ECPAS: variants seen among roughly 807,000 people sequenced by gnomAD.
The protein encoded by ECPAS is Ecm29 proteasome adaptor and scaffold, also known as proteasome adapter and scaffold protein ECM29.
ECPAS carries 70 observed loss-of-function variants against 255.1 expected under a neutral mutation model. That is an observed-to-expected ratio of 0.27 (90% CI 0.23 to 0.33). The LOEUF is 0.33. Ranked by LOEUF, ECPAS falls within the 10% of genes least tolerant of loss-of-function variation. ECPAS has a pLI of 1.00. For synonymous variants in ECPAS, 784 were observed against 775.0 expected, an observed-to-expected ratio of 1.01 and a Z score of -0.19; for missense variants, 1,817 against 2,206.4, an observed-to-expected ratio of 0.82 and a Z score of 3.54.
intron 35 of ECPAS, among the ~76,000 whole-genome samples, chr9:111,380,308 T>A (rs534303943): frequency 2.6e-5 from 4 of 151,810 alleles, no homozygotes; most frequent in African/African-American, 9.7e-5. Flanking sequence ...ATCTTTGGGG[T>A]TTTTTTTGGT....
At chr9:111,400,578 A>T (rs1448612393) in intron 24 of ECPAS, among the ~76,000 whole-genome samples, 5 of 152,206 alleles carry the variant, frequency 3.3e-5, no homozygotes, top group African/African-American at 1.2e-4. Context: ...AAATTTAGTA[A>T]AGAGATTAAA....
At chr9:111,433,512 AT>A in intron 7 of ECPAS, 140 bp from the exon 8 acceptor site, 1 of 744,212 alleles carries the variant, frequency 1.3e-6, no homozygotes, top group East Asian at 2.6e-5. Flanking sequence ...TAGGCTTACA[AT>A]GTGCCGGGGA....
At chr9:111,414,291 T>A (rs1003063172) in intron 19 of ECPAS, 138 bp downstream of exon 19, 1 of 735,750 alleles carries the variant, frequency 1.4e-6, no homozygotes. Context: ...ATGAATCAGG[T>A]AAGTTTAAAA....
intron 10 of ECPAS, among the ~76,000 whole-genome samples, chr9:111,427,075 A>T (rs1246188652): frequency 6.6e-6 from 1 of 151,740 alleles, no homozygotes; most frequent in Non-Finnish European, 1.5e-5. Flanking sequence ...TGGAAGGATC[A>T]CTTCAGCCTG....
chr9:111,363,690 C>T (rs1461306761), intron 48 of ECPAS, 31 bp from the exon 49 acceptor site: 7 of 1,076,696 alleles, frequency 6.5e-6, no homozygotes, highest in South Asian at 1.4e-5. Context: ...GTTCATATGG[C>T]CTGCCTGAAA....
At position 111,412,076 on chromosome 9, in the gene ECPAS, C is replaced by T. The variant is rs999016928; in HGVS notation, c.2152G>A (p.Val718Met). The change falls in exon 21 of 50, where the codon GTG becomes ATG. Residue 718 changes from valine (V) to methionine (M), a missense_variant. Physicochemically the swap from Val to Met is conservative, Grantham distance 21. This residue lies in a region of ECPAS where 194 missense variants were observed against 152.8 expected (regional missense o/e 1.27). Coordinates refer to ENST00000684092, the MANE Select transcript of ECPAS (RefSeq NM_001364929.1). ...ATTGATTTCAACTCATTCCCCGACA[C>T]TGTTGATACCACTACAGAATAAAAC... ...ALFYSVVVSTVSGNELKSMIE... is the reference protein window; with the variant it reads ...ALFYSVVVSTMSGNELKSMIE... 1 of 1,595,434 alleles carries T rather than the reference C, an allele frequency of 6.3e-7. No homozygotes were observed. The highest frequency in any genetic ancestry group is 8.5e-7 in the Non-Finnish European group (1 of 1,174,764).
chr9:111,364,701 T>C (rs1227904588), intron 48 of ECPAS, among the ~76,000 whole-genome samples: 2 of 152,196 alleles, frequency 1.3e-5, no homozygotes, highest in African/African-American at 2.4e-5. Context: ...AAAGAAAACA[T>C]AGTAACTATC....
At chr9:111,437,216 G>C (rs2098239484) in intron 6 of ECPAS, 108 bp from the exon 7 acceptor site, 3 of 894,088 alleles carry the variant, frequency 3.4e-6, no homozygotes, top group Non-Finnish European at 4.7e-6. Context: ...TATTTTACTA[G>C]AAGAATGAAC....
chr9:111,373,118 G>A (rs2098129364), intron 41 of ECPAS, 52 bp downstream of exon 41: 1 of 1,347,480 alleles, frequency 7.4e-7, no homozygotes, highest in Admixed American at 1.7e-5. Context: ...CTGTTTTACT[G>A]GGCTGTTAAC....
rs150203496 is a variant in ECPAS, at chr9:111,391,087, C to T, written c.3161+669G>A. On this transcript the variant is annotated intron_variant, in intron 29 of 49. Transcript: ENST00000684092. ...TCCATGCCTCAAAGCAGAACAACTC[C>T]GAAAGGCCACCTGTGCCAGCTCAGA... Among the ~76,000 whole-genome samples, 360 of 152,242 alleles carry T rather than the reference C, an allele frequency of 2.4e-3. 4 individuals are homozygous for T. The highest frequency in any genetic ancestry group is 8.5e-3 in the African/African-American group (353 of 41,532).
At chr9:111,478,359 TCTACTAAAAA>T (rs2098299211) in intron 1 of ECPAS, among the ~76,000 whole-genome samples, 2 of 151,832 alleles carry the variant, frequency 1.3e-5, no homozygotes, top group Non-Finnish European at 2.9e-5. Flanking sequence ...AAACCCCGTC[TCTACTAAAAA>T]TACAAAAATA....
intron 29 of ECPAS, among the ~76,000 whole-genome samples, 171 bp downstream of exon 29, chr9:111,391,581 CAAAA>C: frequency 9.6e-6 from 1 of 104,362 alleles, no homozygotes; most frequent in Non-Finnish European, 2.0e-5. Flanking sequence ...GGCTCCATCT[CAAAA>C]AAAAAAAAAA....
At position 111,363,384 on chromosome 9, in the gene ECPAS, A is replaced by G. The variant is rs572071385; in HGVS notation, c.5380+204T>C. Among the ~76,000 whole-genome samples, 21 of 152,306 alleles carry G rather than the reference A, an allele frequency of 1.4e-4. 1 individual carries two copies. The South Asian group carries it at 4.3e-3, about 32-fold the overall frequency. On this transcript the variant is annotated intron_variant, in intron 49 of 49. Transcript: ENST00000684092. ...GACAACTATAGCTTAATAATATATT[A>G]AAAATATATAAAAGTGTATCAAATT...
chr9:111,413,869 TA>T (rs770769990), intron 20 of ECPAS, 25 bp downstream of exon 20: 48 of 1,398,120 alleles, frequency 3.4e-5, no homozygotes, highest in South Asian at 1.0e-4. Context: ...GAATTTTTTT[TA>T]AAAAAAGGTA....
At chr9:111,478,711 T>C (rs528102882) in intron 1 of ECPAS, among the ~76,000 whole-genome samples, 32 of 152,284 alleles carry the variant, frequency 2.1e-4, no homozygotes, top group African/African-American at 7.0e-4. Flanking sequence ...TCTATAGAAA[T>C]GCAGTTTTAC....
At chr9:111,474,284 T>G (rs2098293406) in intron 1 of ECPAS, among the ~76,000 whole-genome samples, 1 of 152,222 alleles carries the variant, frequency 6.6e-6, no homozygotes, top group South Asian at 2.1e-4. Flanking sequence ...GAGGCTACAC[T>G]CTCTGTTACT....
At chr9:111,384,247 G>T (rs2098144313) in intron 34 of ECPAS, among the ~76,000 whole-genome samples, 1 of 152,168 alleles carries the variant, frequency 6.6e-6, no homozygotes, top group Admixed American at 6.5e-5. Flanking sequence ...GAAAAGACAG[G>T]TGTTGCTTGA....
intron 3 of ECPAS, among the ~76,000 whole-genome samples, chr9:111,445,983 C>T (rs1017415256): frequency 1.4e-4 from 21 of 152,168 alleles, no homozygotes; most frequent in African/African-American, 4.6e-4. Context: ...CAGCTTCATC[C>T]ATGTCCCTGC....
intron 48 of ECPAS, among the ~76,000 whole-genome samples, chr9:111,364,038 T>C (rs1339140608): frequency 6.6e-6 from 1 of 152,112 alleles, no homozygotes; most frequent in Non-Finnish European, 1.5e-5. Flanking sequence ...CCAAAGAACA[T>C]TATATGACCC....
Sources: allele counts gnomAD v4.1 joint callset (sites outside exome capture counted in the v4.1 genomes callset), GRCh38; gene constraint gnomAD v4.1.1; regional missense constraint gnomAD v4.1.1; transcripts MANE v1.5; gene names NCBI Gene and HGNC (gene_info 2026-07-23, HGNC 2026-07-21).